The following ADCY2 variants were observed in gnomAD, a reference collection of about 807,000 sequenced individuals.
ADCY2 encodes the protein adenylate cyclase type 2.
ADCY2 carries 31 observed loss-of-function variants against 125.2 expected under a neutral mutation model. The observed-to-expected ratio is 0.25, with a 90% CI of 0.19 to 0.33. ADCY2 has a LOEUF of 0.33. Among genes scored for constraint, ADCY2 ranks in the 10% least tolerant of loss-of-function variants. ADCY2 has a pLI of 1.00. For missense variants in ADCY2, 904 were observed against 1,418.2 expected (o/e 0.64, Z 5.82); for synonymous variants, 512 against 548.4 (o/e 0.93, Z 0.93).
chr5:7,589,495 AAAGAAAGAAAG>A lies in ADCY2; in HGVS notation c.571-36669_571-36659del, dbSNP rs905728610. 4.9e-4 allele frequency among the ~76,000 whole-genome samples: 32 copies of A among 65,174 alleles called. 1 individual carries two copies. In the East Asian group the frequency reaches 0.012, roughly 25 times the overall value. 42.8% of individuals were successfully genotyped at this position (65,174 alleles called of 152,430 possible). On this transcript the variant is annotated intron_variant, in intron 3 of 24. Transcript: ENST00000338316. ...GAAAGAAAGAAAGAAAGAAAGAAAG[AAAGAAAGAAAG>A]AAAGAAAAGAAAAGAAAGAGAAAGA...
At chr5:7,775,175 T>TTGTGTGTGTGTGTGTGTGTG (rs200142910) in intron 18 of ADCY2, among the ~76,000 whole-genome samples, 16 of 146,266 alleles carry the variant, frequency 1.1e-4, no homozygotes, top group African/African-American at 4.0e-4. Context: ...CCCAGCTACT[T>TTGTGTGTGTGTGTGTGTGTG]TGTGTGTGTG....
chr5:7,480,094 A>G (rs1742673339), intron 2 of ADCY2, among the ~76,000 whole-genome samples: 1 of 152,202 alleles, frequency 6.6e-6, no homozygotes, highest in African/African-American at 2.4e-5. Context: ...GATGGCTACT[A>G]TTAAACAGTC....
chr5:7,621,965 T>C (rs933889433), intron 3 of ADCY2, among the ~76,000 whole-genome samples: 1 of 152,206 alleles, frequency 6.6e-6, no homozygotes, highest in African/African-American at 2.4e-5. Context: ...CCTTGACTGC[T>C]ATTATTACCT....
At chr5:7,603,236 T>C (rs1423484838) in intron 3 of ADCY2, among the ~76,000 whole-genome samples, 3 of 152,136 alleles carry the variant, frequency 2.0e-5, no homozygotes, top group African/African-American at 4.8e-5. Context: ...GGAAAGCCAA[T>C]GTGTGGATGT....
intron 7 of ADCY2, among the ~76,000 whole-genome samples, chr5:7,701,008 CT>C (rs761965258): frequency 1.2e-4 from 18 of 151,744 alleles, no homozygotes; most frequent in African/African-American, 3.9e-4. Context: ...TAGTTTTTAG[CT>C]TTTTTTCAAA....
chr5:7,684,044 C>T (rs932590635), intron 4 of ADCY2, among the ~76,000 whole-genome samples: 3 of 152,196 alleles, frequency 2.0e-5, no homozygotes, highest in African/African-American at 7.2e-5. Context: ...CCCAGCGTGC[C>T]TCTACTGGCA....
intron 3 of ADCY2, among the ~76,000 whole-genome samples, chr5:7,621,307 A>T (rs941607492): frequency 1.3e-5 from 2 of 152,230 alleles, no homozygotes; most frequent in Non-Finnish European, 2.9e-5. Flanking sequence ...GTCTCCAAGA[A>T]CTTAACATAA....
At chr5:7,684,896 C>G (rs1477536938) in intron 4 of ADCY2, among the ~76,000 whole-genome samples, 1 of 151,788 alleles carries the variant, frequency 6.6e-6, no homozygotes, top group Non-Finnish European at 1.5e-5. Context: ...ATAAAAGGGT[C>G]ACCTGATTTG....
chr5:7,647,276 G>C (rs1028426307), intron 4 of ADCY2, among the ~76,000 whole-genome samples: 1 of 152,172 alleles, frequency 6.6e-6, no homozygotes, highest in Non-Finnish European at 1.5e-5. Flanking sequence ...CCTGTAACAT[G>C]TAAGTAATGA....
intron 2 of ADCY2, among the ~76,000 whole-genome samples, chr5:7,430,300 T>C (rs1740540246): frequency 6.6e-6 from 1 of 151,920 alleles, no homozygotes; most frequent in African/African-American, 2.4e-5. Context: ...ATCTCAATTC[T>C]ACAGAAATTC....
chr5:7,746,749 T>G (rs1159564991), intron 15 of ADCY2, among the ~76,000 whole-genome samples: 1 of 152,252 alleles, frequency 6.6e-6, no homozygotes, highest in South Asian at 2.1e-4. Flanking sequence ...AGACAGTATT[T>G]GTGCTCTAAT....
chr5:7,803,920 T>TATATA (rs1561018020), intron 21 of ADCY2, among the ~76,000 whole-genome samples: 3 of 148,404 alleles, frequency 2.0e-5, no homozygotes, highest in African/African-American at 7.4e-5. Flanking sequence ...ATATATATTT[T>TATATA]TATATATATG....
intron 2 of ADCY2, among the ~76,000 whole-genome samples, chr5:7,427,088 C>T (rs112715395): frequency 0.05 from 7,600 of 152,244 alleles, 654 homozygotes; most frequent in African/African-American, 0.17. Context: ...TTCCATGCTC[C>T]CTCCGAAATC....
At chr5:7,805,577 C>G (rs550985773) in intron 22 of ADCY2, among the ~76,000 whole-genome samples, 29 of 152,258 alleles carry the variant, frequency 1.9e-4, no homozygotes, top group African/African-American at 5.8e-4. Flanking sequence ...AGCCTGCCCT[C>G]TGCTGGGCAG....
At chr5:7,474,164 A>G (rs770359518) in intron 2 of ADCY2, among the ~76,000 whole-genome samples, 42 of 152,226 alleles carry the variant, frequency 2.8e-4, no homozygotes, top group Non-Finnish European at 5.4e-4. Flanking sequence ...AGGTAATTGC[A>G]TTCTAACCAG....
intron 4 of ADCY2, among the ~76,000 whole-genome samples, chr5:7,671,784 CT>C (rs111320562): frequency 0.021 from 3,088 of 146,170 alleles, 101 homozygotes; most frequent in African/African-American, 0.071. Flanking sequence ...CTCAAGTAGA[CT>C]TTTTTTTTTT....
intron 4 of ADCY2, among the ~76,000 whole-genome samples, chr5:7,645,964 G>C (rs1030098498): frequency 1.3e-5 from 2 of 152,196 alleles, no homozygotes; most frequent in Non-Finnish European, 2.9e-5. Flanking sequence ...TATATGCGAA[G>C]TCAAACTACT....
At chr5:7,766,903 T>C in intron 17 of ADCY2, 97 bp downstream of exon 17, 1 of 1,399,434 alleles carries the variant, frequency 7.1e-7, no homozygotes, top group Non-Finnish European at 9.4e-7. Flanking sequence ...TTCTAGACTT[T>C]GCATTTCCTC....
rs534531027 is a variant in ADCY2, at chr5:7,433,819, T to A, written c.408+19049T>A. 2.0e-5 allele frequency among the ~76,000 whole-genome samples: 3 copies of A among 151,614 alleles called. No homozygotes were observed. In the East Asian group the frequency reaches 5.8e-4, roughly 29 times the overall value. On this transcript the variant is annotated intron_variant, in intron 2 of 24. Transcript: ENST00000338316. ...TTAAAACAGCGAGAACAGGAGGGAG[T>A]ACTTGATACATTTAAAAAATGATTG...
Sources: allele counts gnomAD v4.1 joint callset (sites outside exome capture counted in the v4.1 genomes callset), GRCh38; gene constraint gnomAD v4.1.1; transcripts MANE v1.5; gene names NCBI Gene and HGNC (gene_info 2026-07-23, HGNC 2026-07-21).